Variants in CLIP2 observed in about 807,000 individuals in gnomAD.
The protein encoded by CLIP2 is CAP-Gly domain containing linker protein 2.
In CLIP2, 41 loss-of-function variants were observed where a neutral mutation model predicts 111.7. The observed-to-expected ratio is 0.37, with a 90% confidence interval of 0.29 to 0.48. The LOEUF (loss-of-function observed/expected upper bound fraction) is 0.48. CLIP2 is among the 20% of genes least tolerant of loss of function. The pLI, the probability that CLIP2 is intolerant of heterozygous loss-of-function variation, is 0.99. For synonymous variants in CLIP2, 660 were observed against 644.2 expected (o/e 1.02, Z -0.37); for missense variants, 1,160 against 1,422.1 (o/e 0.82, Z 2.96).
At chr7:74,337,094 G>A (rs1789495375) in intron 2 of CLIP2, among the ~76,000 whole-genome samples, 1 of 151,792 alleles carries the variant, frequency 6.6e-6, no homozygotes, top group Admixed American at 6.6e-5. Context: ...CACCATGTGG[G>A]CCAGGCTGGT....
intron 2 of CLIP2, among the ~76,000 whole-genome samples, chr7:74,322,951 G>C (rs1357991176): frequency 1.3e-5 from 2 of 151,836 alleles, no homozygotes; most frequent in Non-Finnish European, 2.9e-5. Context: ...GGCTGGTCTT[G>C]ATCTTCTGAC....
chr7:74,304,010 C>A (rs1788409174), intron 1 of CLIP2, among the ~76,000 whole-genome samples: 1 of 151,724 alleles, frequency 6.6e-6, no homozygotes, highest in African/African-American at 2.4e-5. Context: ...AACTTCTGGA[C>A]TCAAGCAATC....
intron 5 of CLIP2, 145 bp from the exon 6 acceptor site, chr7:74,357,135 A>T: frequency 1.5e-6 from 1 of 655,316 alleles, no homozygotes; most frequent in Non-Finnish European, 2.7e-6. Flanking sequence ...ATGTCAGAGT[A>T]CTGGCAGGGG....
At chr7:74,312,979 T>C (rs1352597764) in intron 1 of CLIP2, among the ~76,000 whole-genome samples, 2 of 152,036 alleles carry the variant, frequency 1.3e-5, no homozygotes, top group African/African-American at 4.8e-5. Context: ...TCATCAGAAT[T>C]TTTTTGGAAA....
chr7:74,395,827 C>T (rs1478199290), intron 13 of CLIP2, among the ~76,000 whole-genome samples: 5 of 139,834 alleles, frequency 3.6e-5, no homozygotes, highest in Admixed American at 7.0e-5. Context: ...TCTTACATAA[C>T]AAGAAATCTG....
chr7:74,401,568 G>A lies in CLIP2; in HGVS notation c.3129+1G>A, dbSNP rs1283671534. The A allele has an allele frequency of 6.2e-7, 1 of 1,613,740 alleles. No individual in the cohort carries two copies. Among genetic ancestry groups the A allele is most frequent in the Non-Finnish European group, 8.5e-7 (1 of 1,179,932 alleles). ...GCAGGACAAAGCTCAGAAACAAGAG[G>A]TGAGGGGCGCCTCGGGCCTCCCAGG... is the stretch of plus-strand genomic sequence containing the variant. On this transcript the variant is annotated splice_donor_variant, in intron 16 of 16. Transcript: ENST00000223398. LOFTEE classifies it high-confidence loss of function.
intron 8 of CLIP2, among the ~76,000 whole-genome samples, chr7:74,372,595 G>GA (rs1329744256): frequency 6.6e-6 from 1 of 151,722 alleles, no homozygotes; most frequent in African/African-American, 2.4e-5. Flanking sequence ...TTGGGGGTTG[G>GA]GGGGGACAGA....
chr7:74,369,358 A>G (rs1436812663), intron 8 of CLIP2, among the ~76,000 whole-genome samples: 1 of 151,984 alleles, frequency 6.6e-6, no homozygotes, highest in Non-Finnish European at 1.5e-5. Context: ...CTCAAAAATA[A>G]AGTAGAAACA....
intron 12 of CLIP2, 177 bp from the exon 13 acceptor site, chr7:74,388,926 A>T: frequency 3.2e-6 from 2 of 631,054 alleles, no homozygotes; most frequent in Non-Finnish European, 5.3e-6. Flanking sequence ...ACTGTACTCC[A>T]GTCTGGGTGA....
intron 1 of CLIP2, among the ~76,000 whole-genome samples, chr7:74,304,463 T>C (rs1584308492): frequency 7.1e-6 from 1 of 139,944 alleles, no homozygotes; most frequent in Non-Finnish European, 1.5e-5. Flanking sequence ...GAGGTGGAGG[T>C]TGCAGTGAGC....
chr7:74,343,707 A>G (rs1198540791), intron 3 of CLIP2, among the ~76,000 whole-genome samples: 3 of 150,388 alleles, frequency 2.0e-5, no homozygotes, highest in Non-Finnish European at 4.4e-5. Context: ...AGCCTGGGCA[A>G]CATAGCAAGA....
chr7:74,333,447 G>T (rs184720863), intron 2 of CLIP2, among the ~76,000 whole-genome samples: 17 of 150,956 alleles, frequency 1.1e-4, no homozygotes, highest in Middle Eastern at 7.3e-3. Flanking sequence ...GCCTCCCAAA[G>T]TGCTGGGATT....
At chr7:74,305,158 G>GCCCAGGCACTGTGCCGTCCAC (rs1788443886) in intron 1 of CLIP2, among the ~76,000 whole-genome samples, 1 of 152,128 alleles carries the variant, frequency 6.6e-6, no homozygotes, top group Non-Finnish European at 1.5e-5. Flanking sequence ...TCCCTGTCCA[G>GCCCAGGCACTGTGCCGTCCAC]CCCAGGCACT....
intron 3 of CLIP2, among the ~76,000 whole-genome samples, chr7:74,350,706 A>T (rs57085904): frequency 0.061 from 9,232 of 151,936 alleles, 650 homozygotes; most frequent in East Asian, 0.36. Flanking sequence ...CTCTACTAGA[A>T]AATGTTCAAA....
intron 1 of CLIP2, among the ~76,000 whole-genome samples, chr7:74,315,768 C>T (rs782218232): frequency 1.1e-4 from 17 of 151,838 alleles, no homozygotes; most frequent in African/African-American, 3.1e-4. Context: ...TTGGGGTTTC[C>T]GCCACGTTGG....
chr7:74,355,951 T>A (rs913979738), intron 4 of CLIP2, among the ~76,000 whole-genome samples: 1 of 152,120 alleles, frequency 6.6e-6, no homozygotes, highest in Admixed American at 6.6e-5. Context: ...CTGAACAGTC[T>A]GTGGGAGCCA....
At chr7:74,372,888 T>TCCCCCCCCCCCCCC in intron 8 of CLIP2, 44 bp from the exon 9 acceptor site, 1 of 309,180 alleles carries the variant, frequency 3.2e-6, no homozygotes. Context: ...CCTCCCTGCG[T>TCCCCCCCCCCCCCC]CCCCGCCCCC....
intron 3 of CLIP2, among the ~76,000 whole-genome samples, chr7:74,350,863 TGAAA>T (rs374714141): frequency 7.3e-4 from 106 of 145,030 alleles, no homozygotes; most frequent in African/African-American, 2.3e-3. Context: ...GAGAGCCTGT[TGAAA>T]GAAAGAAAGA....
At chr7:74,389,394 C>A in intron 13 of CLIP2, 135 bp downstream of exon 13, 1 of 822,250 alleles carries the variant, frequency 1.2e-6, no homozygotes, top group Non-Finnish European at 1.8e-6. Context: ...CTCGAGCGAT[C>A]ACCCTGCTCT....
Sources: gnomAD v4.1 joint callset for allele counts (sites outside exome capture counted in the v4.1 genomes callset) on GRCh38, gnomAD v4.1.1 for gene constraint, MANE v1.5 for transcripts, NCBI Gene and HGNC (gene_info 2026-07-23, HGNC 2026-07-21) for gene names.